CACNA1D: variants seen among roughly 807,000 people sequenced by gnomAD.
CACNA1D encodes the protein calcium voltage-gated channel subunit alpha1 D.
In CACNA1D, 55 loss-of-function variants were observed where a neutral mutation model predicts 257.1. That is an observed-to-expected ratio of 0.21 (90% confidence interval 0.17 to 0.27). The LOEUF (loss-of-function observed/expected upper bound fraction) is 0.27. Ranked by LOEUF, CACNA1D falls within the 10% of genes least tolerant of loss-of-function variation. The probability of loss-of-function intolerance (pLI) is 1.00; values close to 1 mark genes in which losing one functional copy is unlikely to be tolerated. For missense variants in CACNA1D, 1,876 were observed against 2,784.0 expected (o/e 0.67, Z 7.34); for synonymous variants, 980 against 1,014.9 (o/e 0.97, Z 0.65).
At chr3:53,538,141 G>GTTTTTTTTTTTTTTTTTTTTTT (rs538996336) in intron 3 of CACNA1D, among the ~76,000 whole-genome samples, 5 of 90,476 alleles carry the variant, frequency 5.5e-5, no homozygotes, top group African/African-American at 3.0e-4. Context: ...AGTTTTTGAA[G>GTTTTTTTTTTTTTTTTTTTTTT]TTTTTTTTTT....
At chr3:53,608,988 AG>A (rs953907055) in intron 3 of CACNA1D, among the ~76,000 whole-genome samples, 4 of 152,216 alleles carry the variant, frequency 2.6e-5, no homozygotes, top group African/African-American at 4.8e-5. Flanking sequence ...TAAGCTGAAA[AG>A]TGTGCCTTCT....
chr3:53,595,564 G>A (rs1047996537), intron 3 of CACNA1D, among the ~76,000 whole-genome samples: 1 of 152,110 alleles, frequency 6.6e-6, no homozygotes, highest in African/African-American at 2.4e-5. Context: ...ATTGCTTCCT[G>A]CGGTGCCCCC....
intron 15 of CACNA1D, among the ~76,000 whole-genome samples, 197 bp from the exon 16 acceptor site, chr3:53,730,245 C>CTTTTGTTTTGTTTTG (rs139366806): frequency 6.6e-6 from 1 of 151,174 alleles, no homozygotes; most frequent in African/African-American, 2.4e-5. Context: ...CAGGTTTTTA[C>CTTTTGTTTTGTTTTG]TTTTGTTTTG....
intron 3 of CACNA1D, among the ~76,000 whole-genome samples, chr3:53,612,863 T>G (rs563430268): frequency 6.6e-6 from 1 of 152,352 alleles, no homozygotes; most frequent in Non-Finnish European, 1.5e-5. Flanking sequence ...CGTTGAATAC[T>G]AGAAATATTT....
rs775811351 is a variant in CACNA1D at position 53,718,306 on chromosome 3, A to G, written c.1396A>G (p.Met466Val). 26 of 1,613,870 alleles carry G rather than the reference A, an allele frequency of 1.6e-5. No homozygotes were observed. Among genetic ancestry groups the G allele is most frequent in the Middle Eastern group, 3.3e-4 (2 of 6,082 alleles). Reference protein sequence around the residue: ...GGEEGKRNTSMPTSETESVNT... With the variant: ...GGEEGKRNTSVPTSETESVNT... ...AGCCCGTCTTCTCCCCACAGCTAGC[A>G]TGCCCACCAGCGAGACTGAGTCTGT... is the stretch of plus-strand genomic sequence containing the variant. The change falls in exon 10 of 48, where the codon ATG (methionine) becomes GTG (valine). Residue 466 changes from methionine (M) to valine (V), a missense_variant. Coordinates refer to ENST00000350061, the MANE Select transcript of CACNA1D (RefSeq NM_001128840.3).
At chr3:53,754,095 CTT>C (rs1379946826) in intron 29 of CACNA1D, among the ~76,000 whole-genome samples, 5 of 152,324 alleles carry the variant, frequency 3.3e-5, no homozygotes, top group African/African-American at 1.2e-4. Context: ...AGTCTAAAGA[CTT>C]TGTTTTGTTT....
chr3:53,624,473 T>A (rs1046236206), intron 3 of CACNA1D, among the ~76,000 whole-genome samples: 1 of 152,226 alleles, frequency 6.6e-6, no homozygotes, highest in African/African-American at 2.4e-5. Flanking sequence ...TCCCACCACC[T>A]TCTCCCGTGC....
At chr3:53,767,211 C>A (rs1012744266) in intron 30 of CACNA1D, among the ~76,000 whole-genome samples, 1 of 152,140 alleles carries the variant, frequency 6.6e-6, no homozygotes, top group African/African-American at 2.4e-5. Context: ...TTTACCCTGG[C>A]CCAGGACTGG....
intron 15 of CACNA1D, among the ~76,000 whole-genome samples, chr3:53,729,905 A>G (rs750088216): frequency 3.9e-5 from 6 of 152,212 alleles, no homozygotes; most frequent in Non-Finnish European, 8.8e-5. Flanking sequence ...AGTTATCTGT[A>G]GACTCTGAAG....
At chr3:53,695,826 C>T (rs2094568244) in intron 8 of CACNA1D, among the ~76,000 whole-genome samples, 1 of 152,212 alleles carries the variant, frequency 6.6e-6, no homozygotes, top group African/African-American at 2.4e-5. Context: ...TCACGCATAA[C>T]ACCTGTGAAA....
intron 3 of CACNA1D, among the ~76,000 whole-genome samples, chr3:53,571,315 A>G (rs2092938957): frequency 6.6e-6 from 1 of 152,210 alleles, no homozygotes; most frequent in Admixed American, 6.5e-5. Flanking sequence ...AAGGAGATTC[A>G]GGATTCAGAC....
chr3:53,811,348 A>T lies in CACNA1D; in HGVS notation c.6428A>T (p.Asp2143Val). The T allele has an allele frequency of 6.3e-7, 1 of 1,598,312 alleles. No homozygotes were observed. Among genetic ancestry groups the T allele is most frequent in the Non-Finnish European group, 8.6e-7 (1 of 1,169,398 alleles). Residue 2143 changes from aspartate (D) to valine (V), a missense_variant, in exon 48 of 48, where the codon GAC becomes GTC. Asp to Val is a radical substitution (Grantham distance 152). Transcript: ENST00000350061. This position sits in a 1 kb window ranked among gnomAD's most constrained non-coding sequence, Gnocchi z 4.2. Reference sequence around the variant, plus strand: ...CCTGGCTACAGCGACGAAGAGCCAGACCCTGGGAGGGATGAGGAGGACCTG... The same window carrying T: ...CCTGGCTACAGCGACGAAGAGCCAGTCCCTGGGAGGGATGAGGAGGACCTG... ...FGPGYSDEEP[D>V]PGRDEEDLAD...
chr3:53,523,913 A>C (rs912635693), intron 3 of CACNA1D, among the ~76,000 whole-genome samples: 3 of 152,226 alleles, frequency 2.0e-5, no homozygotes, highest in Non-Finnish European at 4.4e-5. Context: ...GAGAGCCTTG[A>C]GGGCAAGGAC....
chr3:53,602,773 T>G (rs1205096562), intron 3 of CACNA1D, among the ~76,000 whole-genome samples: 1 of 152,236 alleles, frequency 6.6e-6, no homozygotes, highest in African/African-American at 2.4e-5. Flanking sequence ...TATACAGATC[T>G]TTTGCCCATT....
At chr3:53,632,168 T>C (rs1296041241) in intron 3 of CACNA1D, among the ~76,000 whole-genome samples, 1 of 152,246 alleles carries the variant, frequency 6.6e-6, no homozygotes, top group Non-Finnish European at 1.5e-5. Flanking sequence ...AAAATCTGTT[T>C]AGTGTCACCA....
chr3:53,572,148 A>G (rs753154759), intron 3 of CACNA1D, among the ~76,000 whole-genome samples: 11 of 152,252 alleles, frequency 7.2e-5, no homozygotes, highest in East Asian at 1.9e-4. Flanking sequence ...CTAGACTTGT[A>G]TGTTTCAAAA....
intron 8 of CACNA1D, among the ~76,000 whole-genome samples, chr3:53,689,185 T>A (rs756053667): frequency 6.6e-6 from 1 of 151,894 alleles, no homozygotes; most frequent in Non-Finnish European, 1.5e-5. Context: ...TTCGTTAGGA[T>A]GGTAAAGAAA....
At chr3:53,670,480 G>A (rs550133815) in intron 7 of CACNA1D, among the ~76,000 whole-genome samples, 233 of 152,256 alleles carry the variant, frequency 1.5e-3, no homozygotes, top group African/African-American at 5.4e-3. Context: ...AAGTAGCTGG[G>A]ATTACAGGTC....
Position 53,601,257 on chromosome 3 carries a change from G to A in CACNA1D, c.484-49522G>A, listed in dbSNP as rs544527638. Among the ~76,000 whole-genome samples the A allele has an allele frequency of 3.9e-5, 6 of 152,300 alleles. No individual in the cohort carries two copies. The South Asian group carries it at 1.0e-3, about 26-fold the overall frequency. ...CATCCCATCAGCATGGCTTACTCAA[G>A]CTTTGCTTCCTGTCATATGTACTAA... On this transcript the variant is annotated intron_variant, in intron 3 of 47. Transcript: ENST00000350061.
Sources: allele counts gnomAD v4.1 joint callset (sites outside exome capture counted in the v4.1 genomes callset), GRCh38; gene constraint gnomAD v4.1.1; non-coding constraint Gnocchi (gnomAD v3.1); transcripts MANE v1.5; gene names NCBI Gene and HGNC (gene_info 2026-07-23, HGNC 2026-07-21).